Variants in RBM47 observed in about 807,000 individuals in gnomAD.
The protein encoded by RBM47 is RNA binding motif protein 47.
Under a neutral mutation model 47.1 loss-of-function variants are expected in RBM47, and 21 were observed. The observed-to-expected ratio is 0.45, with a 90% CI of 0.32 to 0.64. The LOEUF (loss-of-function observed/expected upper bound fraction) is 0.64. Ranked by LOEUF, RBM47 falls within the 30% of genes least tolerant of loss-of-function variation. The pLI, the probability that RBM47 is intolerant of heterozygous loss-of-function variation, is 0.05. For synonymous variants in RBM47, 375 were observed against 361.7 expected (o/e 1.04, Z -0.42); for missense variants, 708 against 870.9 (o/e 0.81, Z 2.35).
intron 3 of RBM47, among the ~76,000 whole-genome samples, chr4:40,449,684 C>T (rs2154219020): frequency 6.6e-6 from 1 of 152,154 alleles, no homozygotes; most frequent in African/African-American, 2.4e-5. Flanking sequence ...TTATCTTGTT[C>T]CCTTTATTTA....
intron 2 of RBM47, among the ~76,000 whole-genome samples, chr4:40,531,143 T>G (rs1727346915): frequency 6.6e-6 from 1 of 152,004 alleles, no homozygotes; most frequent in African/African-American, 2.4e-5. Flanking sequence ...GTCAATGGCA[T>G]GGACTTGGTT....
At chr4:40,574,375 C>A (rs922063147) in intron 1 of RBM47, among the ~76,000 whole-genome samples, 1 of 152,092 alleles carries the variant, frequency 6.6e-6, no homozygotes, top group Admixed American at 6.6e-5. Context: ...AGGGGACACC[C>A]GACTGAGACA....
intron 3 of RBM47, among the ~76,000 whole-genome samples, chr4:40,449,925 G>A (rs188083149): frequency 5.9e-4 from 89 of 152,106 alleles, no homozygotes; most frequent in African/African-American, 2.0e-3. Flanking sequence ...CAAATGATCC[G>A]CCTGCCTTGG....
At chr4:40,435,246 G>A (rs754438064) in intron 5 of RBM47, among the ~76,000 whole-genome samples, 1 of 152,154 alleles carries the variant, frequency 6.6e-6, no homozygotes, top group Non-Finnish European at 1.5e-5. Flanking sequence ...CAGGGAATTA[G>A]CTGCAAAAAT....
intron 2 of RBM47, among the ~76,000 whole-genome samples, chr4:40,537,925 G>C (rs1728139256): frequency 1.3e-5 from 2 of 151,072 alleles, no homozygotes; most frequent in African/African-American, 4.9e-5. Context: ...CTGCAGCCTT[G>C]AACTCCTGGA....
intron 2 of RBM47, among the ~76,000 whole-genome samples, chr4:40,474,469 A>G (rs926381331): frequency 5.3e-5 from 8 of 152,306 alleles, no homozygotes; most frequent in African/African-American, 1.4e-4. Context: ...CAAGTATACA[A>G]TTTCAGGATG....
chr4:40,507,527 G>T (rs1040364632), intron 2 of RBM47, among the ~76,000 whole-genome samples: 1 of 152,082 alleles, frequency 6.6e-6, no homozygotes, highest in Non-Finnish European at 1.5e-5. Context: ...GGTGGCTCAC[G>T]CCTGTAATCC....
At chr4:40,582,271 C>A (rs1317799884) in intron 1 of RBM47, among the ~76,000 whole-genome samples, 2 of 152,186 alleles carry the variant, frequency 1.3e-5, no homozygotes, top group African/African-American at 4.8e-5. Flanking sequence ...TAGTGGCTCA[C>A]GCCTGTAATC....
At chr4:40,609,559 C>T (rs1172710057) in intron 1 of RBM47, among the ~76,000 whole-genome samples, 3 of 151,822 alleles carry the variant, frequency 2.0e-5, no homozygotes, top group Admixed American at 1.3e-4. Flanking sequence ...GTGATCTGCC[C>T]GACTCAGCCT....
intron 3 of RBM47, among the ~76,000 whole-genome samples, chr4:40,448,904 C>T (rs1714967498): frequency 6.6e-6 from 1 of 151,970 alleles, no homozygotes; most frequent in Non-Finnish European, 1.5e-5. Flanking sequence ...AAGATGTTGC[C>T]CCAAACTTGG....
intron 1 of RBM47, among the ~76,000 whole-genome samples, chr4:40,580,926 A>C (rs1732837211): frequency 6.6e-6 from 1 of 152,090 alleles, no homozygotes; most frequent in African/African-American, 2.4e-5. Flanking sequence ...GGGAAAGAGC[A>C]ATCTAGGCAC....
intron 2 of RBM47, among the ~76,000 whole-genome samples, chr4:40,501,023 C>G (rs1297361449): frequency 6.6e-6 from 1 of 151,848 alleles, no homozygotes; most frequent in Non-Finnish European, 1.5e-5. Flanking sequence ...TGATTATGTT[C>G]TTCATTAAGT....
Position 40,569,959 on chromosome 4 carries a change from G to A in RBM47, c.-239-25453C>T, listed in dbSNP as rs369688671. ...ACTCCTGTCCTCAAGTGATCCACCCGCCTTGGCCTCCCAAAGTGCTGGGAT... is the reference window on the plus strand; with the variant it reads ...ACTCCTGTCCTCAAGTGATCCACCCACCTTGGCCTCCCAAAGTGCTGGGAT... On this transcript the variant is annotated intron_variant, in intron 1 of 6. Transcript: ENST00000295971. Among the ~76,000 whole-genome samples the A allele has an allele frequency of 1.3e-4, 20 of 151,974 alleles. No individual in the cohort carries two copies. In the East Asian group the frequency reaches 2.7e-3, roughly 21 times the overall value.
intron 2 of RBM47, among the ~76,000 whole-genome samples, chr4:40,497,566 G>A (rs1294776385): frequency 1.3e-5 from 2 of 152,090 alleles, no homozygotes; most frequent in Non-Finnish European, 2.9e-5. Context: ...CTGCACTGCA[G>A]CCTGGGCAAC....
intron 3 of RBM47, among the ~76,000 whole-genome samples, chr4:40,457,519 G>A (rs914301957): frequency 1.3e-5 from 2 of 151,988 alleles, no homozygotes; most frequent in African/African-American, 2.4e-5. Context: ...TCAGCTCACT[G>A]CAACCTCCAC....
intron 1 of RBM47, among the ~76,000 whole-genome samples, chr4:40,596,749 A>G (rs1213912032): frequency 1.3e-5 from 2 of 152,102 alleles, no homozygotes; most frequent in Non-Finnish European, 2.9e-5. Flanking sequence ...TAGCACAGGA[A>G]AAAGGACGTC....
chr4:40,508,034 C>G (rs1343417815), intron 2 of RBM47, among the ~76,000 whole-genome samples: 1 of 152,182 alleles, frequency 6.6e-6, no homozygotes, highest in Non-Finnish European at 1.5e-5. Context: ...CCACTGCACC[C>G]CAGCCTGGGC....
chr4:40,527,782 C>T (rs1435737675), intron 2 of RBM47, among the ~76,000 whole-genome samples: 2 of 150,504 alleles, frequency 1.3e-5, no homozygotes, highest in Non-Finnish European at 1.5e-5. Flanking sequence ...GGGGGGTGTA[C>T]GTTTTTATTT....
At chr4:40,594,108 C>T (rs192818801) in intron 1 of RBM47, among the ~76,000 whole-genome samples, 1 of 152,030 alleles carries the variant, frequency 6.6e-6, no homozygotes, top group East Asian at 1.9e-4. Context: ...TTTCTCTTCT[C>T]TACCCCCACC....
Sources: gnomAD v4.1 joint callset for allele counts (sites outside exome capture counted in the v4.1 genomes callset) on GRCh38, gnomAD v4.1.1 for gene constraint, MANE v1.5 for transcripts, NCBI Gene and HGNC (gene_info 2026-07-23, HGNC 2026-07-21) for gene names.